The following KLRD1 variants were observed in gnomAD, a reference collection of about 807,000 sequenced individuals.
KLRD1 encodes the protein killer cell lectin like receptor D1, also known as natural killer cells antigen CD94.
In KLRD1, 21 loss-of-function variants were observed where a neutral mutation model predicts 22.6. The ratio of observed to expected loss-of-function variants is 0.93; its 90% confidence interval spans 0.66 to 1.34. The LOEUF is 1.34. Among genes scored for constraint, KLRD1 ranks in the 40% most tolerant of loss-of-function variants. The probability of loss-of-function intolerance (pLI) is 0.00; values close to 1 mark genes in which losing one functional copy is unlikely to be tolerated. For synonymous variants in KLRD1, 59 were observed against 71.1 expected (o/e 0.83, Z 0.85); for missense variants, 183 against 208.6 (o/e 0.88, Z 0.76).
At chr12:10,263,015 C>T (rs1164365180) in intron 1 of KLRD1, among the ~76,000 whole-genome samples, 1 of 152,032 alleles carries the variant, frequency 6.6e-6, no homozygotes, top group Admixed American at 6.6e-5. Context: ...GCAGCAAACA[C>T]CTTAGACGTA....
chr12:10,260,999 T>G (rs1276546382), intron 1 of KLRD1, among the ~76,000 whole-genome samples: 1 of 152,042 alleles, frequency 6.6e-6, no homozygotes, highest in Non-Finnish European at 1.5e-5. Flanking sequence ...TAATAGACCA[T>G]TAGGAGCAAT....
At chr12:10,266,797 T>G (rs1217618867) in intron 1 of KLRD1, among the ~76,000 whole-genome samples, 1 of 151,650 alleles carries the variant, frequency 6.6e-6, no homozygotes, top group African/African-American at 2.4e-5. Flanking sequence ...TATTATTAGG[T>G]TCCTTTCTTT....
At position 10,311,487 on chromosome 12, in the gene KLRD1, GA is replaced by G; in HGVS notation, c.192del (p.Lys64AsnfsTer45). The G allele has an allele frequency of 6.2e-7, 1 of 1,613,832 alleles. No individual in the cohort carries two copies. Among genetic ancestry groups the G allele is most frequent in the Non-Finnish European group, 8.5e-7 (1 of 1,179,806 alleles). On this transcript the variant is annotated frameshift_variant, in exon 4 of 6. Coordinates refer to ENST00000336164, the MANE Select transcript of KLRD1 (RefSeq NM_002262.5). LOFTEE classifies it high-confidence loss of function. Reference sequence around the variant, plus strand: ...AGACTCTGACTGCTGTTCTTGCCAAGAAAAATGGGTTGGGTACCGGTGCAAC... The same window carrying G: ...AGACTCTGACTGCTGTTCTTGCCAAGAAAATGGGTTGGGTACCGGTGCAAC... Reference protein sequence around the residue: ...QKDSDCCSCQEKWVGYRCNCY... With the variant: ...QKDSDCCSCQXKWVGYRCNCY...
intron 1 of KLRD1, among the ~76,000 whole-genome samples, chr12:10,271,540 G>C (rs1454831451): frequency 2.6e-5 from 4 of 152,104 alleles, no homozygotes; most frequent in Non-Finnish European, 5.9e-5. Context: ...AAGCCAAAAA[G>C]TGAATCTAGA....
chr12:10,245,596 A>G (rs1230655746), intron 1 of KLRD1, among the ~76,000 whole-genome samples: 1 of 152,154 alleles, frequency 6.6e-6, no homozygotes, highest in Admixed American at 6.5e-5. Flanking sequence ...ACTATTGTAT[A>G]TTGATTATTT....
chr12:10,252,687 G>T (rs1339109915), intron 1 of KLRD1, among the ~76,000 whole-genome samples: 1 of 152,168 alleles, frequency 6.6e-6, no homozygotes, highest in Non-Finnish European at 1.5e-5. Context: ...GAGAGGATGT[G>T]TCTTGAGAAT....
intron 1 of KLRD1, among the ~76,000 whole-genome samples, chr12:10,245,943 C>CA (rs1303992945): frequency 2.0e-5 from 3 of 152,172 alleles, no homozygotes. Flanking sequence ...CTCAGCCTCC[C>CA]AATGTGCTGG....
chr12:10,240,681 A>C (rs933570325), intron 1 of KLRD1, among the ~76,000 whole-genome samples: 2 of 152,160 alleles, frequency 1.3e-5, no homozygotes, highest in Non-Finnish European at 2.9e-5. Flanking sequence ...ACCCAGCTTC[A>C]ACAAGCATCG....
intron 1 of KLRD1, among the ~76,000 whole-genome samples, chr12:10,289,941 G>C (rs1183018009): frequency 6.6e-6 from 1 of 152,064 alleles, no homozygotes; most frequent in African/African-American, 2.4e-5. Flanking sequence ...ACCACACCCA[G>C]CTAGTTTTGT....
At position 10,316,482 on chromosome 12, in the gene KLRD1, A is replaced by C. The variant is rs1950233068; in HGVS notation, c.*1689A>C. On this transcript the variant is annotated 3_prime_UTR_variant, in exon 6 of 6. Transcript: ENST00000336164. ...CAATGATGCAATCATGGTTCACTGC[A>C]GCTTCAACTTCCCAGGCTCAAGGGA... The C allele has an allele frequency of 6.6e-6, 1 of 152,010 alleles. No homozygotes were observed. Among genetic ancestry groups the C allele is most frequent in the Admixed American group, 6.6e-5 (1 of 15,258 alleles). 9.4% of individuals were successfully genotyped at this position (152,010 alleles called of 1,614,324 possible).
At chr12:10,261,838 A>G (rs74062142) in intron 1 of KLRD1, among the ~76,000 whole-genome samples, 2,369 of 152,210 alleles carry the variant, frequency 0.016, 54 homozygotes, top group African/African-American at 0.053. Flanking sequence ...GATTAATGGG[A>G]AAACACGTGA....
chr12:10,293,876 CT>C (rs1183512916), intron 1 of KLRD1, among the ~76,000 whole-genome samples: 3 of 152,214 alleles, frequency 2.0e-5, no homozygotes, highest in Admixed American at 1.3e-4. Context: ...ATTTTTGTAA[CT>C]TTTTTTGTTA....
At chr12:10,270,782 G>A (rs989332391) in intron 1 of KLRD1, among the ~76,000 whole-genome samples, 4 of 101,508 alleles carry the variant, frequency 3.9e-5, no homozygotes, top group East Asian at 7.2e-4. Flanking sequence ...TTTCCCTCCC[G>A]TAATTTTTTT....
chr12:10,319,089 C>T lies in KLRD1; in HGVS notation c.*4296C>T, dbSNP rs1950285759. On this transcript the variant is annotated 3_prime_UTR_variant, in exon 6 of 6. Coordinates refer to ENST00000336164, the MANE Select transcript of KLRD1 (RefSeq NM_002262.5). ...CTTGCCATGGTGGTGCTAAAGAAGACATAAATAATACAAAAATGAATGGTT... is the reference window on the plus strand; with the variant it reads ...CTTGCCATGGTGGTGCTAAAGAAGATATAAATAATACAAAAATGAATGGTT... 6.6e-6 allele frequency: 1 copy of T among 152,036 alleles called. No individual in the cohort carries two copies. The highest frequency in any genetic ancestry group is 1.5e-5 in the Non-Finnish European group (1 of 68,000). 9.4% of individuals were successfully genotyped at this position (152,036 alleles called of 1,614,324 possible).
At chr12:10,243,805 T>C (rs979129321) in intron 1 of KLRD1, among the ~76,000 whole-genome samples, 1 of 152,026 alleles carries the variant, frequency 6.6e-6, no homozygotes, top group African/African-American at 2.4e-5. Flanking sequence ...GGATTCTCAT[T>C]GGTAGCGGTT....
At position 10,245,894 on chromosome 12, in the gene KLRD1, A is replaced by T. The variant is rs548870430; in HGVS notation, c.-101+19661A>T. 5.3e-5 allele frequency among the ~76,000 whole-genome samples: 8 copies of T among 152,288 alleles called. No homozygotes were observed. The East Asian group carries it at 1.5e-3, about 29-fold the overall frequency. ...AAGTGCAGTGGCATGATCACAGCTTACTGTAACCTCGGGCTCCAGACTTAA... is the reference window on the plus strand; with the variant it reads ...AAGTGCAGTGGCATGATCACAGCTTTCTGTAACCTCGGGCTCCAGACTTAA... On this transcript the variant is annotated intron_variant, in intron 1 of 5. Transcript: ENST00000544747.
In KLRD1 at chr12:10,244,642, G is replaced by A. The variant is rs189022323; in HGVS notation, c.-101+18409G>A. 6.8e-4 allele frequency among the ~76,000 whole-genome samples: 103 copies of A among 151,932 alleles called. 3 individuals carry two copies. In the East Asian group the frequency reaches 0.019, roughly 28 times the overall value. On this transcript the variant is annotated intron_variant, in intron 1 of 5. Transcript: ENST00000544747. Reference sequence around the variant, plus strand: ...ACTAAAAATACAAAAAATTAGCCTGGCATGGTGGTGGACGCCTGTAATCCC... The same window carrying A: ...ACTAAAAATACAAAAAATTAGCCTGACATGGTGGTGGACGCCTGTAATCCC...
chr12:10,261,646 C>T (rs1949455253), intron 1 of KLRD1, among the ~76,000 whole-genome samples: 1 of 152,006 alleles, frequency 6.6e-6, no homozygotes. Context: ...ATTTTTTGTT[C>T]TGGGATCAGC....
At chr12:10,289,925 TGCACCACCACACCC>T (rs1949750644) in intron 1 of KLRD1, among the ~76,000 whole-genome samples, 2 of 152,070 alleles carry the variant, frequency 1.3e-5, no homozygotes, top group Non-Finnish European at 2.9e-5. Context: ...ATTACAGGCA[TGCACCACCACACCC>T]AGCTAGTTTT....
Sources: allele counts gnomAD v4.1 joint callset (sites outside exome capture counted in the v4.1 genomes callset), GRCh38; gene constraint gnomAD v4.1.1; transcripts MANE v1.5; gene names NCBI Gene and HGNC (gene_info 2026-07-23, HGNC 2026-07-21).